The following COL21A1 variants were observed in gnomAD, a reference collection of about 807,000 sequenced individuals.
COL21A1 encodes the protein collagen type XXI alpha 1 chain.
COL21A1 carries 149 observed loss-of-function variants against 137.9 expected under a neutral mutation model. That is an observed-to-expected ratio of 1.08 (90% confidence interval 0.95 to 1.24). The LOEUF is 1.24. COL21A1 is among the 50% of genes most tolerant of loss of function. COL21A1 has a pLI of 0.00. For missense variants in COL21A1, 1,167 were observed against 1,158.4 expected (o/e 1.01, Z -0.11); for synonymous variants, 456 against 391.5 (o/e 1.16, Z -1.95).
At chr6:56,203,447 C>T (rs1480565501) in intron 1 of COL21A1, among the ~76,000 whole-genome samples, 1 of 152,112 alleles carries the variant, frequency 6.6e-6, no homozygotes, top group East Asian at 1.9e-4. Flanking sequence ...ACTCTAGCAC[C>T]TCAATTGCAG....
intron 16 of COL21A1, among the ~76,000 whole-genome samples, chr6:56,120,892 A>T (rs1772443151): frequency 6.6e-6 from 1 of 152,082 alleles, no homozygotes. Context: ...GGAAATCAGC[A>T]TATTAAAGGG....
At chr6:56,257,038 G>T (rs900269398) in intron 1 of COL21A1, among the ~76,000 whole-genome samples, 1 of 152,118 alleles carries the variant, frequency 6.6e-6, no homozygotes, top group African/African-American at 2.4e-5. Context: ...ATTAAACACT[G>T]ATTTACAATG....
chr6:56,274,875 A>G (rs953451497), intron 1 of COL21A1, among the ~76,000 whole-genome samples: 4 of 152,148 alleles, frequency 2.6e-5, no homozygotes, highest in Non-Finnish European at 5.9e-5. Context: ...TAAAATTCAT[A>G]TGGAACCAAA....
intron 1 of COL21A1, among the ~76,000 whole-genome samples, chr6:56,370,260 G>A (rs781161120): frequency 6.6e-6 from 1 of 152,138 alleles, no homozygotes; most frequent in Non-Finnish European, 1.5e-5. Context: ...TTCAGATCCC[G>A]ATCTGGAAAA....
chr6:56,129,671 C>CGT (rs1773341967), intron 12 of COL21A1, among the ~76,000 whole-genome samples: 1 of 85,674 alleles, frequency 1.2e-5, no homozygotes, highest in African/African-American at 6.0e-5. Flanking sequence ...CTGTCACGTG[C>CGT]GTGCGTGTGT....
At chr6:56,160,174 G>A (rs145166597) in intron 9 of COL21A1, among the ~76,000 whole-genome samples, 1 of 152,298 alleles carries the variant, frequency 6.6e-6, no homozygotes, top group East Asian at 1.9e-4. Flanking sequence ...TAGCTGACTG[G>A]AGAGAAAGCC....
At chr6:56,115,552 A>G (rs1243309286) in intron 16 of COL21A1, among the ~76,000 whole-genome samples, 1 of 152,146 alleles carries the variant, frequency 6.6e-6, no homozygotes. Flanking sequence ...AAGAAGGATG[A>G]CTACAAATAA....
At chr6:56,355,685 G>A (rs1765812641) in intron 1 of COL21A1, among the ~76,000 whole-genome samples, 3 of 152,308 alleles carry the variant, frequency 2.0e-5, no homozygotes, top group South Asian at 2.1e-4. Context: ...AGTTTTTGTA[G>A]ATAAAATTTC....
At position 56,257,315 on chromosome 6, in the gene COL21A1, GT is replaced by G. The variant is rs1158038747; in HGVS notation, c.-38-74660del. ...TAGCTCTCATATGGTTCTGGTGAGA[GT>G]ATAACTTAGTTTGAGCTTTTTGGAA... On this transcript the variant is annotated intron_variant, in intron 1 of 28. Coordinates refer to the COL21A1 transcript ENST00000370819. Among the ~76,000 whole-genome samples the G allele has an allele frequency of 2.0e-5, 3 of 152,166 alleles. No homozygotes were observed. The East Asian group carries it at 5.8e-4, about 29-fold the overall frequency.
intron 1 of COL21A1, among the ~76,000 whole-genome samples, chr6:56,184,096 G>A (rs908399082): frequency 2.0e-5 from 3 of 152,080 alleles, no homozygotes; most frequent in African/African-American, 4.8e-5. Flanking sequence ...TTTTTCTGGT[G>A]AAAAGGAGAG....
At chr6:56,079,290 A>G (rs1259137335) in intron 17 of COL21A1, among the ~76,000 whole-genome samples, 1 of 151,736 alleles carries the variant, frequency 6.6e-6, no homozygotes. Flanking sequence ...TGGCTCCCAG[A>G]GTCCCTAACG....
At chr6:56,169,975 A>G (rs1445359577) in intron 5 of COL21A1, among the ~76,000 whole-genome samples, 1 of 151,922 alleles carries the variant, frequency 6.6e-6, no homozygotes, top group Admixed American at 6.6e-5. Context: ...TACCATATAT[A>G]TTTCCTAAAC....
intron 1 of COL21A1, among the ~76,000 whole-genome samples, chr6:56,258,184 T>G (rs1763161436): frequency 1.3e-5 from 2 of 152,202 alleles, no homozygotes; most frequent in Non-Finnish European, 1.5e-5. Flanking sequence ...AACATTCACA[T>G]GTATTTTTAG....
At chr6:56,349,528 T>TAGGC (rs1765667072) in intron 1 of COL21A1, among the ~76,000 whole-genome samples, 1 of 152,170 alleles carries the variant, frequency 6.6e-6, no homozygotes, top group South Asian at 2.1e-4. Flanking sequence ...TGGCAATAGG[T>TAGGC]ATATCTCTAC....
intron 17 of COL21A1, among the ~76,000 whole-genome samples, chr6:56,100,363 C>G (rs2152164347): frequency 1.3e-5 from 2 of 152,298 alleles, no homozygotes; most frequent in East Asian, 3.9e-4. Context: ...TAGCCCCATG[C>G]ATTTGTGCAA....
chr6:56,237,767 C>G (rs1782005592), intron 1 of COL21A1, among the ~76,000 whole-genome samples: 1 of 152,074 alleles, frequency 6.6e-6, no homozygotes, highest in Non-Finnish European at 1.5e-5. Context: ...ATAAATGGCT[C>G]TAACTATTCT....
chr6:56,321,788 C>T (rs1313712502), intron 1 of COL21A1, among the ~76,000 whole-genome samples: 1 of 152,074 alleles, frequency 6.6e-6, no homozygotes, highest in Admixed American at 6.6e-5. Flanking sequence ...CGAAGTTGAA[C>T]CCCCTTACAT....
chr6:56,284,080 C>A (rs1257105914), intron 1 of COL21A1, among the ~76,000 whole-genome samples: 3 of 152,124 alleles, frequency 2.0e-5, no homozygotes, highest in Non-Finnish European at 2.9e-5. Context: ...CAGGTTCTGG[C>A]TCTGTCACCC....
At chr6:56,281,162 A>G (rs1479714281) in intron 1 of COL21A1, among the ~76,000 whole-genome samples, 1 of 152,112 alleles carries the variant, frequency 6.6e-6, no homozygotes, top group Non-Finnish European at 1.5e-5. Flanking sequence ...CCTATTCCTA[A>G]TTCCTAATTG....
Sources: gnomAD v4.1 joint callset for allele counts (sites outside exome capture counted in the v4.1 genomes callset) on GRCh38, gnomAD v4.1.1 for gene constraint, MANE v1.5 for transcripts, NCBI Gene and HGNC (gene_info 2026-07-23, HGNC 2026-07-21) for gene names.